The following ALG14 variants were observed in gnomAD, a reference collection of about 807,000 sequenced individuals.
ALG14 encodes UDP-N-acetylglucosamine transferase subunit ALG14.
A neutral mutation model predicts 22.8 loss-of-function variants in ALG14; 17 were observed. The observed-to-expected ratio is 0.75, with a 90% confidence interval of 0.51 to 1.12. The LOEUF is 1.12. ALG14 is among the 50% of genes most tolerant of loss of function. ALG14 has a pLI of 0.00. For missense variants in ALG14, 288 were observed against 271.8 expected, an observed-to-expected ratio of 1.06 and a Z score of -0.42; for synonymous variants, 89 against 103.7, an observed-to-expected ratio of 0.86 and a Z score of 0.86.
intron 2 of ALG14, among the ~76,000 whole-genome samples, chr1:95,044,674 C>T (rs1225506068): frequency 6.6e-6 from 1 of 152,144 alleles, no homozygotes; most frequent in African/African-American, 2.4e-5. Flanking sequence ...GCCCCCACAG[C>T]ACTGATCACC....
At position 94,974,426 on chromosome 1, in the gene ALG14, T is replaced by G. The variant is rs1431688908; in HGVS notation, c.*8650A>C. Reference sequence around the variant, plus strand: ...TGACTTCTGTTTAAATGCTCAAGTTTATTAGAGTGGAAAAAAATCTCAGTT... The same window carrying G: ...TGACTTCTGTTTAAATGCTCAAGTTGATTAGAGTGGAAAAAAATCTCAGTT... On this transcript the variant is annotated 3_prime_UTR_variant, in exon 4 of 4. Transcript: ENST00000370205. 3 of 152,180 alleles carry G rather than the reference T, an allele frequency of 2.0e-5. No individual in the cohort carries two copies. The highest frequency in any genetic ancestry group is 4.4e-5 in the Non-Finnish European group (3 of 68,028). 9.4% of individuals were successfully genotyped at this position (152,180 alleles called of 1,614,324 possible).
Position 94,982,290 on chromosome 1 carries a change from T to A in ALG14, c.*786A>T, listed in dbSNP as rs1672514219. 1 of 152,180 alleles carries A rather than the reference T, an allele frequency of 6.6e-6. No individual in the cohort carries two copies. Among genetic ancestry groups the A allele is most frequent in the East Asian group, 1.9e-4 (1 of 5,188 alleles). The allele number at this position is 152,180 out of a possible 1,614,324, so 9.4% of individuals were successfully genotyped here. On this transcript the variant is annotated 3_prime_UTR_variant, in exon 4 of 4. Coordinates refer to ENST00000370205, the MANE Select transcript of ALG14 (RefSeq NM_144988.4). ...ACAGGCATGTGCCACCACGCCTGACTAATTTTTGTATTTTTAGTAGAGACA... is the reference window on the plus strand; with the variant it reads ...ACAGGCATGTGCCACCACGCCTGACAAATTTTTGTATTTTTAGTAGAGACA...
chr1:95,028,690 T>G (rs563302310), intron 2 of ALG14, among the ~76,000 whole-genome samples: 1 of 152,038 alleles, frequency 6.6e-6, no homozygotes, highest in East Asian at 1.9e-4. Flanking sequence ...TCTCAGCTAT[T>G]TGGGAGGCTG....
At position 94,987,398 on chromosome 1, in the gene ALG14, G is replaced by A. The variant is rs552410628; in HGVS notation, c.421-4092C>T. Among the ~76,000 whole-genome samples, 7 of 152,344 alleles carry A rather than the reference G, an allele frequency of 4.6e-5. No homozygotes were observed. The South Asian group carries it at 1.5e-3, about 32-fold the overall frequency. On this transcript the variant is annotated intron_variant, in intron 3 of 3. Transcript: ENST00000370205. ...GCACCAACCAGTAGGGGTTCAATATGTGTCTGTTGGATGATTAACAAATCA... is the reference window on the plus strand; with the variant it reads ...GCACCAACCAGTAGGGGTTCAATATATGTCTGTTGGATGATTAACAAATCA...
chr1:95,003,198 T>C (rs1673113553), intron 3 of ALG14, among the ~76,000 whole-genome samples: 1 of 152,180 alleles, frequency 6.6e-6, no homozygotes, highest in African/African-American at 2.4e-5. Flanking sequence ...TAAACATATT[T>C]ATTTTCAATT....
chr1:95,032,844 G>C (rs1003474304), intron 2 of ALG14, among the ~76,000 whole-genome samples: 1 of 152,160 alleles, frequency 6.6e-6, no homozygotes, highest in Non-Finnish European at 1.5e-5. Context: ...GAAACACTGA[G>C]AGCCAGGCTG....
chr1:95,057,580 G>A (rs193042895), intron 2 of ALG14, among the ~76,000 whole-genome samples: 54 of 149,600 alleles, frequency 3.6e-4, no homozygotes, highest in Admixed American at 3.1e-3. Flanking sequence ...ACATGCACAC[G>A]CGCACACACA....
chr1:95,039,208 T>C (rs1674305324), intron 2 of ALG14, among the ~76,000 whole-genome samples: 1 of 152,124 alleles, frequency 6.6e-6, no homozygotes, highest in Non-Finnish European at 1.5e-5. Flanking sequence ...GGGAACTGTA[T>C]TTTGGTACGT....
intron 1 of ALG14, 64 bp from the exon 2 acceptor site, chr1:95,065,081 G>A: frequency 1.4e-6 from 2 of 1,436,786 alleles, no homozygotes; most frequent in Non-Finnish European, 1.9e-6. Flanking sequence ...ATTTGACCAT[G>A]TTATACCAAT....
In ALG14 at chr1:95,043,089, C is replaced by T. The variant is rs932251943; in HGVS notation, c.289-15829G>A. 2.0e-5 allele frequency among the ~76,000 whole-genome samples: 3 copies of T among 152,098 alleles called. No homozygotes were observed. In the South Asian group the frequency reaches 6.2e-4, roughly 32 times the overall value. Reference sequence around the variant, plus strand: ...TCTTAGTTTTTTAAAAAATAGGTCTCATTCTTGTTTTAATGAAATAATGCC... The same window carrying T: ...TCTTAGTTTTTTAAAAAATAGGTCTTATTCTTGTTTTAATGAAATAATGCC... On this transcript the variant is annotated intron_variant, in intron 2 of 3. Coordinates refer to ENST00000370205, the MANE Select transcript of ALG14 (RefSeq NM_144988.4).
At chr1:95,072,036 C>T (rs1675582961) in intron 1 of ALG14, among the ~76,000 whole-genome samples, 1 of 152,152 alleles carries the variant, frequency 6.6e-6, no homozygotes, top group Admixed American at 6.5e-5. Flanking sequence ...AGTGTTTGGT[C>T]TTTCTAACAG....
At chr1:94,986,563 C>A (rs1418856837) in intron 3 of ALG14, among the ~76,000 whole-genome samples, 2 of 152,052 alleles carry the variant, frequency 1.3e-5, no homozygotes, top group African/African-American at 2.4e-5. Flanking sequence ...ACCTCTGACT[C>A]CCTGGTTCAC....
chr1:95,025,464 C>T, intron 3 of ALG14, among the ~76,000 whole-genome samples: 1 of 152,210 alleles, frequency 6.6e-6, no homozygotes, highest in East Asian at 1.9e-4. Flanking sequence ...TTAAAGTCAA[C>T]AGCTACACAG....
At position 94,980,733 on chromosome 1, in the gene ALG14, A is replaced by ATGGGACAG. The variant is rs1419273819; in HGVS notation, c.*2342_*2343insCTGTCCCA. On this transcript the variant is annotated 3_prime_UTR_variant, in exon 4 of 4. Coordinates refer to ENST00000370205, the MANE Select transcript of ALG14 (RefSeq NM_144988.4). ...TAATCTGAATGATCAGGAAGATGCA[A>ATGGGACAG]TAACACATGTCTCAGCCTGGCTCTG... is the stretch of plus-strand genomic sequence containing the variant. 1.3e-5 allele frequency: 2 copies of ATGGGACAG among 152,224 alleles called. No homozygotes were observed. Among genetic ancestry groups the ATGGGACAG allele is most frequent in the Non-Finnish European group, 2.9e-5 (2 of 68,036 alleles). 9.4% of individuals were successfully genotyped at this position (152,224 alleles called of 1,614,324 possible). A position where few individuals can be genotyped will look rare whatever the true frequency, so the allele number is the denominator to read the frequency against.
intron 2 of ALG14, among the ~76,000 whole-genome samples, chr1:95,049,062 C>T (rs989232867): frequency 6.6e-6 from 1 of 151,990 alleles, no homozygotes; most frequent in Non-Finnish European, 1.5e-5. Flanking sequence ...AGAATTTGTG[C>T]AAGAAATGCA....
intron 2 of ALG14, among the ~76,000 whole-genome samples, chr1:95,055,503 T>C (rs1004018864): frequency 6.6e-6 from 1 of 151,932 alleles, no homozygotes; most frequent in African/African-American, 2.4e-5. Flanking sequence ...TTAGAAATGT[T>C]ACTGAAAAGC....
intron 1 of ALG14, among the ~76,000 whole-genome samples, chr1:95,070,781 G>A (rs1675533458): frequency 6.6e-6 from 1 of 151,802 alleles, no homozygotes; most frequent in South Asian, 2.1e-4. Flanking sequence ...TGTCAACCAG[G>A]CTGGAGTGCA....
At chr1:95,003,186 AATAAAC>A (rs1236002713) in intron 3 of ALG14, among the ~76,000 whole-genome samples, 3 of 152,216 alleles carry the variant, frequency 2.0e-5, no homozygotes, top group Non-Finnish European at 4.4e-5. Context: ...CCATAGGCTG[AATAAAC>A]ATATTTATTT....
chr1:95,020,840 C>T (rs901428663), intron 3 of ALG14, among the ~76,000 whole-genome samples: 4 of 151,870 alleles, frequency 2.6e-5, no homozygotes, highest in Non-Finnish European at 5.9e-5. Flanking sequence ...TTTTGGAACT[C>T]GATGCTGTAA....
Sources: allele counts gnomAD v4.1 joint callset (sites outside exome capture counted in the v4.1 genomes callset), GRCh38; gene constraint gnomAD v4.1.1; transcripts MANE v1.5; gene names NCBI Gene and HGNC (gene_info 2026-07-23, HGNC 2026-07-21).